Variants in DDHD1 observed in about 807,000 individuals in gnomAD.
The protein encoded by DDHD1 is phospholipase DDHD1.
In DDHD1, 49 loss-of-function variants were observed where a neutral mutation model predicts 96.4. The ratio of observed to expected loss-of-function variants is 0.51; its 90% confidence interval spans 0.40 to 0.64. The LOEUF (loss-of-function observed/expected upper bound fraction) is 0.64. Among genes scored for constraint, DDHD1 ranks in the 30% least tolerant of loss-of-function variants. DDHD1 has a pLI of 0.00. For synonymous variants in DDHD1, 442 were observed against 446.5 expected (o/e 0.99, Z 0.13); for missense variants, 1,106 against 1,161.2 (o/e 0.95, Z 0.69).
At position 53,144,873 on chromosome 14, in the gene DDHD1, G is replaced by C. The variant is rs78167945; in HGVS notation, c.838+7388C>G. Among the ~76,000 whole-genome samples the C allele has an allele frequency of 2.9e-3, 443 of 152,334 alleles. 1 individual carries two copies. Among genetic ancestry groups the C allele is most frequent in the Non-Finnish European group, 4.6e-3 (314 of 68,038 alleles). ...ATCCAAAATTACTGAGCAGAGGCTGGGAGTGGTGGCTCACATTTGTAATCC... is the reference window on the plus strand; with the variant it reads ...ATCCAAAATTACTGAGCAGAGGCTGCGAGTGGTGGCTCACATTTGTAATCC... On this transcript the variant is annotated intron_variant, in intron 1 of 12. Transcript: ENST00000673822.
At chr14:53,149,032 A>G (rs1034646373) in intron 1 of DDHD1, among the ~76,000 whole-genome samples, 5 of 152,254 alleles carry the variant, frequency 3.3e-5, no homozygotes, top group Non-Finnish European at 7.3e-5. Flanking sequence ...ACATGCAGCC[A>G]GGAGAATATC....
chr14:53,080,407 T>C (rs1885359371), intron 4 of DDHD1, among the ~76,000 whole-genome samples: 2 of 152,164 alleles, frequency 1.3e-5, no homozygotes. Context: ...CCATTTCCTT[T>C]TCTGGGAACT....
chr14:53,146,777 T>C (rs1595273413), intron 1 of DDHD1, among the ~76,000 whole-genome samples: 1 of 152,302 alleles, frequency 6.6e-6, no homozygotes, highest in East Asian at 1.9e-4. Context: ...CGATTTTTCT[T>C]TACCAATGTA....
chr14:53,058,356 G>A (rs574729704), intron 9 of DDHD1, 121 bp downstream of exon 9: 2 of 1,097,968 alleles, frequency 1.8e-6, no homozygotes, highest in African/African-American at 3.2e-5. Context: ...CTCAGATGAT[G>A]CGCCCGCCTC....
intron 1 of DDHD1, among the ~76,000 whole-genome samples, chr14:53,127,103 G>T (rs1889508648): frequency 6.6e-6 from 1 of 151,996 alleles, no homozygotes; most frequent in African/African-American, 2.4e-5. Context: ...AAAAGCAGAA[G>T]AAACACTTAA....
chr14:53,068,408 C>T (rs1884232186), intron 6 of DDHD1, among the ~76,000 whole-genome samples: 1 of 151,870 alleles, frequency 6.6e-6, no homozygotes, highest in Admixed American at 6.6e-5. Flanking sequence ...CCATACATGG[C>T]TAATTTTTAA....
At chr14:53,047,018 G>A (rs1882067344) in intron 12 of DDHD1, 69 bp from the exon 13 acceptor site, 3 of 1,233,500 alleles carry the variant, frequency 2.4e-6, no homozygotes, top group Non-Finnish European at 2.1e-6. Context: ...AGACTTACTG[G>A]AGTTGAGAGT....
At chr14:53,118,681 T>C (rs1888740468) in intron 1 of DDHD1, among the ~76,000 whole-genome samples, 1 of 152,096 alleles carries the variant, frequency 6.6e-6, no homozygotes, top group South Asian at 2.1e-4. Flanking sequence ...CAAATCTATG[T>C]TTGATTGGTG....
At chr14:53,061,004 G>A (rs1883499888) in intron 8 of DDHD1, 122 bp downstream of exon 8, 1 of 942,064 alleles carries the variant, frequency 1.1e-6, no homozygotes. Context: ...TATAGTATAT[G>A]TTGAATAAAT....
intron 4 of DDHD1, among the ~76,000 whole-genome samples, chr14:53,087,253 G>A (rs953956082): frequency 7.2e-5 from 11 of 152,000 alleles, no homozygotes; most frequent in African/African-American, 2.4e-4. Flanking sequence ...ACGGATCAAC[G>A]AGATAGAAGG....
Position 53,073,797 on chromosome 14 carries a change from G to T in DDHD1, c.1340C>A (p.Ala447Glu). The change falls in exon 5 of 13, where the codon GCA (alanine) becomes GAA (glutamate). Residue 447 changes from alanine (A) to glutamate (E), a missense_variant. By Grantham distance (107) the Ala-to-Glu change is moderately radical. This residue lies in a region of DDHD1 where 650 missense variants were observed against 758.8 expected (regional missense o/e 0.86). Coordinates refer to ENST00000673822, the MANE Select transcript of DDHD1 (RefSeq NM_001160148.2). ...KIEERHFSNH[A>E]THVEFLPVEW... ...AACAGGCAGAAATTCAACATGTGTT[G>T]CATGGTTGGAAAAATGCCTTTCTTC... 1 of 1,610,742 alleles carries T rather than the reference G, an allele frequency of 6.2e-7. No individual in the cohort carries two copies. The highest frequency in any genetic ancestry group is 8.5e-7 in the Non-Finnish European group (1 of 1,177,922).
At chr14:53,121,971 C>A (rs1271143374) in intron 1 of DDHD1, among the ~76,000 whole-genome samples, 1 of 151,622 alleles carries the variant, frequency 6.6e-6, no homozygotes, top group Non-Finnish European at 1.5e-5. Flanking sequence ...CCACTTACTG[C>A]CTCTCAGCTC....
intron 2 of DDHD1, 157 bp downstream of exon 2, chr14:53,103,522 GTAGT>G (rs1887468121): frequency 5.3e-6 from 3 of 563,526 alleles, no homozygotes; most frequent in Non-Finnish European, 8.9e-6. Flanking sequence ...GATATTTATA[GTAGT>G]TAATTTTTAA....
chr14:53,065,369 C>G (rs924201148), intron 6 of DDHD1, among the ~76,000 whole-genome samples: 2 of 152,082 alleles, frequency 1.3e-5, no homozygotes, highest in African/African-American at 4.8e-5. Context: ...TGTCAAGATA[C>G]AGCTAGGACA....
At chr14:53,092,084 TTGATCAG>T in intron 3 of DDHD1, 152 bp from the exon 4 acceptor site, 1 of 637,470 alleles carries the variant, frequency 1.6e-6, no homozygotes. Flanking sequence ...AAGGTATATA[TTGATCAG>T]CTGTGATATA....
chr14:53,055,629 G>A, intron 10 of DDHD1, 31 bp downstream of exon 10: 1 of 1,603,730 alleles, frequency 6.2e-7, no homozygotes, highest in Non-Finnish European at 8.5e-7. Flanking sequence ...GTGCTTATAT[G>A]CATAGATAAG....
Position 53,118,957 on chromosome 14 carries a change from C to T in DDHD1, c.839-15101G>A, listed in dbSNP as rs368128608. On this transcript the variant is annotated intron_variant, in intron 1 of 12. Coordinates refer to ENST00000673822, the MANE Select transcript of DDHD1 (RefSeq NM_001160148.2). The stretch of plus-strand genomic sequence containing the variant: ...AAAGGAAAGCCCATCAGACTAACGG[C>T]GGATCTCTTGGCAGAAACTCTACAA... Among the ~76,000 whole-genome samples, 212 of 152,268 alleles carry T rather than the reference C, an allele frequency of 1.4e-3. 3 individuals are homozygous for T. The highest frequency in any genetic ancestry group is 4.5e-3 in the African/African-American group (187 of 41,544).
At chr14:53,097,085 G>C (rs1886946565) in intron 2 of DDHD1, among the ~76,000 whole-genome samples, 1 of 151,820 alleles carries the variant, frequency 6.6e-6, no homozygotes, top group Non-Finnish European at 1.5e-5. Context: ...TTACAAATTA[G>C]TTTCTCACCA....
At chr14:53,047,532 C>G (rs934946955) in intron 12 of DDHD1, among the ~76,000 whole-genome samples, 1 of 152,208 alleles carries the variant, frequency 6.6e-6, no homozygotes, top group Non-Finnish European at 1.5e-5. Flanking sequence ...TCAGCAGGGT[C>G]TAACATGTGC....
Sources: gnomAD v4.1 joint callset for allele counts (sites outside exome capture counted in the v4.1 genomes callset) on GRCh38, gnomAD v4.1.1 for gene constraint, gnomAD v4.1.1 regional missense constraint, MANE v1.5 for transcripts, NCBI Gene and HGNC (gene_info 2026-07-23, HGNC 2026-07-21) for gene names.